PARP15: variants seen among roughly 807,000 people sequenced by gnomAD.
PARP15 encodes the protein protein mono-ADP-ribosyltransferase PARP15.
Under a neutral mutation model 62.1 loss-of-function variants are expected in PARP15, and 50 were observed. The ratio of observed to expected loss-of-function variants is 0.81; its 90% confidence interval spans 0.64 to 1.02. PARP15 has a LOEUF of 1.02. Among genes scored for constraint, PARP15 ranks in the 50% least tolerant of loss-of-function variants. The pLI is 0.00. For missense variants in PARP15, 820 were observed against 826.5 expected, an observed-to-expected ratio of 0.99 and a Z score of 0.10; for synonymous variants, 309 against 293.1, an observed-to-expected ratio of 1.05 and a Z score of -0.55.
At position 122,638,953 on chromosome 3, in the gene PARP15, A is replaced by G. The variant is rs1041903193; in HGVS notation, c.*2853A>G. Reference sequence around the variant, plus strand: ...TGTATATAGAATTATAAAGTTTTTAAAAATGTAATCATCATTATTTATAGT... The same window carrying G: ...TGTATATAGAATTATAAAGTTTTTAGAAATGTAATCATCATTATTTATAGT... On this transcript the variant is annotated 3_prime_UTR_variant, in exon 12 of 12. Transcript: ENST00000464300. The G allele has an allele frequency of 6.6e-6, 1 of 152,180 alleles. No homozygotes were observed. Among genetic ancestry groups the G allele is most frequent in the Non-Finnish European group, 1.5e-5 (1 of 68,034 alleles). The allele number at this position is 152,180 out of a possible 1,614,324, so 9.4% of individuals were successfully genotyped here. A position where few individuals can be genotyped will look rare whatever the true frequency, so the allele number is the denominator to read the frequency against.
chr3:122,596,801 G>T (rs1934390032), intron 1 of PARP15, among the ~76,000 whole-genome samples: 1 of 152,172 alleles, frequency 6.6e-6, no homozygotes, highest in Non-Finnish European at 1.5e-5. Flanking sequence ...GGAAGAAGTG[G>T]TGAAGCCAAA....
At position 122,577,718 on chromosome 3, in the gene PARP15, G is replaced by A. The variant is rs763949011; in HGVS notation, c.51G>A (p.Pro17=). ...CCGCTGCTCTGAGTCCAGGGGCTCC[G>A]ACCCCCAGAGAACTTATGCACGGAG... is the stretch of plus-strand genomic sequence containing the variant. ...LPAAALSPGA[P]TPRELMHGVA... is the part of the protein sequence containing the mutation. The change falls in exon 1 of 12, where the codon CCG becomes CCA. Residue 17 remains proline (P), a synonymous_variant. Coordinates refer to ENST00000464300, the MANE Select transcript of PARP15 (RefSeq NM_001113523.3). 19 of 1,551,656 alleles carry A rather than the reference G, an allele frequency of 1.2e-5. No individual in the cohort carries two copies. The highest frequency in any genetic ancestry group is 9.6e-5 in the African/African-American group (7 of 73,178).
At chr3:122,586,452 C>T (rs548311597) in intron 1 of PARP15, among the ~76,000 whole-genome samples, 1 of 152,274 alleles carries the variant, frequency 6.6e-6, no homozygotes, top group East Asian at 1.9e-4. Flanking sequence ...TGAAGTGATC[C>T]TCCCACCTCA....
chr3:122,598,646 G>A (rs189437891), intron 1 of PARP15, among the ~76,000 whole-genome samples: 6 of 152,256 alleles, frequency 3.9e-5, no homozygotes, highest in South Asian at 2.1e-4. Flanking sequence ...GTGACATAGC[G>A]TCAATTCTGC....
chr3:122,615,977 G>C (rs1018632921), intron 5 of PARP15, 120 bp downstream of exon 5: 1 of 972,684 alleles, frequency 1.0e-6, no homozygotes, highest in African/African-American at 1.7e-5. Context: ...TCTGTGATGG[G>C]GGAGGTGTTA....
At position 122,616,433 on chromosome 3, in the gene PARP15, A is replaced by C. The variant is rs192803081; in HGVS notation, c.850+576A>C. ...CAAACCCCGCCTCCTGGGTTCAAGC[A>C]ATCCTCCTGCTTCAGTCTCCCGAGT... On this transcript the variant is annotated intron_variant, in intron 5 of 11. Coordinates refer to ENST00000464300, the MANE Select transcript of PARP15 (RefSeq NM_001113523.3). Among the ~76,000 whole-genome samples, 459 of 150,662 alleles carry C rather than the reference A, an allele frequency of 3.0e-3. 2 individuals are homozygous for C. Among genetic ancestry groups the C allele is most frequent in the African/African-American group, 0.011 (451 of 40,956 alleles).
intron 1 of PARP15, among the ~76,000 whole-genome samples, chr3:122,604,736 C>T (rs758495003): frequency 1.3e-5 from 2 of 152,166 alleles, no homozygotes; most frequent in Non-Finnish European, 2.9e-5. Flanking sequence ...TGGCGAGTGC[C>T]TGTAATCCCA....
chr3:122,604,264 A>G (rs1021525346), intron 1 of PARP15, among the ~76,000 whole-genome samples: 1 of 152,192 alleles, frequency 6.6e-6, no homozygotes. Context: ...TCTATCCTGG[A>G]TGGTCTGTCA....
rs182539741 is a variant in PARP15, at chr3:122,638,994, A to G, written c.*2894A>G. On this transcript the variant is annotated 3_prime_UTR_variant, in exon 12 of 12. Coordinates refer to ENST00000464300, the MANE Select transcript of PARP15 (RefSeq NM_001113523.3). ...TATTTATAGTTTAATAATCAGTTTC[A>G]TCTTGCAGTGTATCATTTTCCTCGT... 2 of 152,286 alleles carry G rather than the reference A, an allele frequency of 1.3e-5. No homozygotes were observed. The highest frequency in any genetic ancestry group is 6.5e-5 in the Admixed American group (1 of 15,290). The allele number at this position is 152,286 out of a possible 1,614,324, so 9.4% of individuals were successfully genotyped here. A position where few individuals can be genotyped will look rare whatever the true frequency, so the allele number is the denominator to read the frequency against.
chr3:122,589,874 T>C (rs997140245), intron 1 of PARP15, among the ~76,000 whole-genome samples: 2 of 150,056 alleles, frequency 1.3e-5, no homozygotes, highest in Non-Finnish European at 2.9e-5. Flanking sequence ...AAATGTATTA[T>C]TTGTAAGGCA....
Position 122,636,210 on chromosome 3 carries a change from C to A in PARP15, c.*110C>A. ...CAGATGAAAGTTTCCCTTTTAGGTG[C>A]CAAAATGCTGAAAATTACCTTTTTA... is the stretch of plus-strand genomic sequence containing the variant. On this transcript the variant is annotated 3_prime_UTR_variant, in exon 12 of 12. Coordinates refer to ENST00000464300, the MANE Select transcript of PARP15 (RefSeq NM_001113523.3). 1 of 1,112,720 alleles carries A rather than the reference C, an allele frequency of 9.0e-7. No homozygotes were observed. 68.9% of individuals were successfully genotyped at this position (1,112,720 alleles called of 1,614,324 possible). A position where few individuals can be genotyped will look rare whatever the true frequency, so the allele number is the denominator to read the frequency against.
intron 8 of PARP15, among the ~76,000 whole-genome samples, chr3:122,625,661 A>G (rs73856213): frequency 0.09 from 13,748 of 152,220 alleles, 1,922 homozygotes; most frequent in African/African-American, 0.3. Flanking sequence ...GCTGCCAGGT[A>G]TGGAAGGAAG....
At chr3:122,593,131 T>TCTAC (rs1264055417) in intron 1 of PARP15, among the ~76,000 whole-genome samples, 86 of 149,804 alleles carry the variant, frequency 5.7e-4, no homozygotes, top group East Asian at 3.9e-4. Flanking sequence ...TATGTATCTA[T>TCTAC]CTATCATGTA....
chr3:122,636,482 C>T lies in PARP15; in HGVS notation c.*382C>T, dbSNP rs1217057033. 5.0e-6 allele frequency: 1 copy of T among 201,496 alleles called. No homozygotes were observed. The highest frequency in any genetic ancestry group is 1.0e-5 in the Non-Finnish European group (1 of 97,560). 12.5% of individuals were successfully genotyped at this position (201,496 alleles called of 1,614,324 possible). A position where few individuals can be genotyped will look rare whatever the true frequency, so the allele number is the denominator to read the frequency against. On this transcript the variant is annotated 3_prime_UTR_variant, in exon 12 of 12. Transcript: ENST00000464300. ...TCGAATGGTGGCGGGTTAAACTGTACTGCTTAAGTGGAGCGGCTACCGTTA... is the reference window on the plus strand; with the variant it reads ...TCGAATGGTGGCGGGTTAAACTGTATTGCTTAAGTGGAGCGGCTACCGTTA...
At chr3:122,619,475 T>C (rs930306379) in intron 6 of PARP15, among the ~76,000 whole-genome samples, 1 of 152,178 alleles carries the variant, frequency 6.6e-6, no homozygotes, top group Non-Finnish European at 1.5e-5. Context: ...TTCATTCGTT[T>C]TTACAAAATA....
intron 6 of PARP15, among the ~76,000 whole-genome samples, chr3:122,618,645 G>A (rs1197594657): frequency 6.6e-6 from 1 of 152,192 alleles, no homozygotes; most frequent in Admixed American, 6.5e-5. Context: ...CTCTTCCCTG[G>A]CCAGAGATGG....
At chr3:122,595,682 C>G (rs1242514140) in intron 1 of PARP15, among the ~76,000 whole-genome samples, 1 of 152,124 alleles carries the variant, frequency 6.6e-6, no homozygotes, top group Non-Finnish European at 1.5e-5. Context: ...AGGCATGCAC[C>G]ACCACACCCA....
rs115769535 is a variant in PARP15, at chr3:122,602,911, G to A, written c.187-3025G>A. ...ACATTCTTTCACTGACCTGTTGACAGTGGTGCCATTTTAGGAAGACACTCT... is the reference window on the plus strand; with the variant it reads ...ACATTCTTTCACTGACCTGTTGACAATGGTGCCATTTTAGGAAGACACTCT... On this transcript the variant is annotated intron_variant, in intron 1 of 11. Coordinates refer to ENST00000464300, the MANE Select transcript of PARP15 (RefSeq NM_001113523.3). Among the ~76,000 whole-genome samples, 1,158 of 152,324 alleles carry A rather than the reference G, an allele frequency of 7.6e-3. 22 individuals are homozygous for A. Among genetic ancestry groups the A allele is most frequent in the African/African-American group, 0.027 (1,102 of 41,580 alleles).
chr3:122,614,554 A>C (rs980247016), intron 4 of PARP15, among the ~76,000 whole-genome samples: 2 of 152,218 alleles, frequency 1.3e-5, no homozygotes, highest in African/African-American at 4.8e-5. Flanking sequence ...CCCCCGGTAA[A>C]TATAAAATAT....
Sources: allele counts gnomAD v4.1 joint callset (sites outside exome capture counted in the v4.1 genomes callset), GRCh38; gene constraint gnomAD v4.1.1; transcripts MANE v1.5; gene names NCBI Gene and HGNC (gene_info 2026-07-23, HGNC 2026-07-21).